ENTREP2: variants seen among roughly 807,000 people sequenced by gnomAD.
ENTREP2 encodes endosomal transmembrane epsin interactor 2, also known as protein ENTREP2.
the ENTREP2 span, among the ~76,000 whole-genome samples, chr15:29,495,095 T>G: frequency 4.1e-3 from 628 of 152,356 alleles, 8 homozygotes; most frequent in East Asian, 3.9e-3. Context: ...GGTTGTTCTA[T>G]AATTTTTTGA....
chr15:29,223,897 G>A, the ENTREP2 span, among the ~76,000 whole-genome samples: 1 of 152,194 alleles, frequency 6.6e-6, no homozygotes, highest in Non-Finnish European at 1.5e-5. Flanking sequence ...ACGTCCCAGT[G>A]CACATGAAGT....
the ENTREP2 span, among the ~76,000 whole-genome samples, chr15:29,328,573 TA>T: frequency 6.6e-6 from 1 of 152,206 alleles, no homozygotes; most frequent in Non-Finnish European, 1.5e-5. Flanking sequence ...TCTGTAATAC[TA>T]AAGGCCAAAG....
the ENTREP2 span, among the ~76,000 whole-genome samples, chr15:29,362,890 T>A: frequency 6.6e-6 from 1 of 152,230 alleles, no homozygotes; most frequent in African/African-American, 2.4e-5. Flanking sequence ...GGTTTCCTTA[T>A]GTTATACTTT....
At chr15:29,233,749 A>T in the ENTREP2 span, 2 of 1,487,108 alleles carry the variant, frequency 1.3e-6, no homozygotes, top group Non-Finnish European at 1.9e-6. Context: ...TAACCACAGA[A>T]GAAGGTGAAT....
the ENTREP2 span, among the ~76,000 whole-genome samples, chr15:29,351,598 T>C: frequency 6.6e-6 from 1 of 152,228 alleles, no homozygotes; most frequent in Non-Finnish European, 1.5e-5. Context: ...TCTTGGTTAC[T>C]TATCACATGC....
chr15:29,258,464 T>A, the ENTREP2 span, among the ~76,000 whole-genome samples: 1 of 150,194 alleles, frequency 6.7e-6, no homozygotes, highest in African/African-American at 2.4e-5. Flanking sequence ...GTCAAGGAGG[T>A]AAGAGACAAT....
At chr15:29,203,354 A>G in the ENTREP2 span, among the ~76,000 whole-genome samples, 1 of 152,250 alleles carries the variant, frequency 6.6e-6, no homozygotes, top group Admixed American at 6.5e-5. Flanking sequence ...GTGAGCTGAG[A>G]TCGCGCCACT....
chr15:29,162,032 A>C, the ENTREP2 span, among the ~76,000 whole-genome samples: 1 of 152,218 alleles, frequency 6.6e-6, no homozygotes, highest in South Asian at 2.1e-4. Context: ...CCTCTCCCAA[A>C]CACACACGCC....
the ENTREP2 span, among the ~76,000 whole-genome samples, chr15:29,204,252 G>T: frequency 6.6e-6 from 1 of 152,162 alleles, no homozygotes; most frequent in Non-Finnish European, 1.5e-5. Context: ...CAGCTAGCCT[G>T]CCCCCCTTAT....
At chr15:29,136,691 C>T in the ENTREP2 span, among the ~76,000 whole-genome samples, 1 of 150,278 alleles carries the variant, frequency 6.7e-6, no homozygotes, top group African/African-American at 2.5e-5. Flanking sequence ...GGAACGACAT[C>T]AACATTTTCA....
At chr15:29,289,227 G>T in the ENTREP2 span, among the ~76,000 whole-genome samples, 1 of 150,188 alleles carries the variant, frequency 6.7e-6, no homozygotes, top group African/African-American at 2.4e-5. Flanking sequence ...AAAAGAAAAA[G>T]AAAAGAAAAA....
At chr15:29,369,737 A>C in the ENTREP2 span, among the ~76,000 whole-genome samples, 6 of 152,238 alleles carry the variant, frequency 3.9e-5, no homozygotes, top group Admixed American at 2.0e-4. Context: ...GTCCCAGTCA[A>C]AACTCAGGTT....
chr15:29,184,703 C>A, the ENTREP2 span, among the ~76,000 whole-genome samples: 2 of 152,128 alleles, frequency 1.3e-5, no homozygotes, highest in Non-Finnish European at 2.9e-5. Flanking sequence ...TGCAGCGAAA[C>A]CAGCCCGGGA....
the ENTREP2 span, among the ~76,000 whole-genome samples, chr15:29,534,106 CAAAAAAAAAAAAAAAAAAAA>C: frequency 3.6e-4 from 16 of 44,930 alleles, no homozygotes; most frequent in Middle Eastern, 0.022. Context: ...GCCCCTTGGC[CAAAAAAAAAAAAAAAAAAAA>C]AAAAAAAAAA....
the ENTREP2 span, among the ~76,000 whole-genome samples, chr15:29,271,702 A>G: frequency 6.6e-6 from 1 of 152,240 alleles, no homozygotes; most frequent in Non-Finnish European, 1.5e-5. Flanking sequence ...CGACCCTTTC[A>G]TGTAAAATCT....
chr15:29,433,418 A>G, the ENTREP2 span, among the ~76,000 whole-genome samples: 3 of 152,194 alleles, frequency 2.0e-5, no homozygotes, highest in Non-Finnish European at 4.4e-5. Context: ...CTCAACTCCA[A>G]CAGTGATTTA....
the ENTREP2 span, among the ~76,000 whole-genome samples, chr15:29,633,895 G>A: frequency 2.0e-5 from 3 of 152,218 alleles, no homozygotes; most frequent in Non-Finnish European, 4.4e-5. Flanking sequence ...GGAGGCGAAG[G>A]TTGCAGTGAG....
At chr15:29,378,261 G>A in the ENTREP2 span, among the ~76,000 whole-genome samples, 1 of 149,198 alleles carries the variant, frequency 6.7e-6, no homozygotes, top group Admixed American at 6.7e-5. Context: ...ACTGTTGTGA[G>A]GATAAGGACA....
chr15:29,174,195 T>C, the ENTREP2 span, among the ~76,000 whole-genome samples: 1 of 152,230 alleles, frequency 6.6e-6, no homozygotes, highest in Non-Finnish European at 1.5e-5. Flanking sequence ...CTTCCCTTGA[T>C]GGGAGACCCC....
Sources: allele counts gnomAD v4.1 joint callset (sites outside exome capture counted in the v4.1 genomes callset), GRCh38; gene constraint gnomAD v4.1.1; transcripts MANE v1.5; gene names NCBI Gene and HGNC (gene_info 2026-07-23, HGNC 2026-07-21).